The following ANKFN1 variants were observed in gnomAD, a reference collection of about 807,000 sequenced individuals.
ANKFN1 encodes the protein ankyrin repeat and fibronectin type-III domain-containing protein 1.
A neutral mutation model predicts 108.7 loss-of-function variants in ANKFN1; 74 were observed. The observed-to-expected ratio is 0.68, with a 90% CI of 0.56 to 0.83. The LOEUF is 0.83. ANKFN1 is among the 40% of genes least tolerant of loss of function. The pLI, the probability that ANKFN1 is intolerant of heterozygous loss-of-function variation, is 0.00. For synonymous variants in ANKFN1, 547 were observed against 516.2 expected, an observed-to-expected ratio of 1.06 and a Z score of -0.81; for missense variants, 1,505 against 1,382.3, an observed-to-expected ratio of 1.09 and a Z score of -1.41.
chr17:56,160,207 C>G lies in ANKFN1; in HGVS notation c.-71+6677C>G, dbSNP rs565602255. ...TTATTATGAGGCTCTGTCCAAGTTT[C>G]TGGCAAGCTCTTTAAGAGGATGATT... On this transcript the variant is annotated intron_variant, in intron 1 of 20. Transcript: ENST00000682825. 3.9e-5 allele frequency among the ~76,000 whole-genome samples: 6 copies of G among 152,326 alleles called. No homozygotes were observed. The South Asian group carries it at 1.0e-3, about 26-fold the overall frequency.
chr17:56,152,254 A>G (rs1394169278), upstream of ANKFN1, among the ~76,000 whole-genome samples: 4 of 78,420 alleles, frequency 5.1e-5, no homozygotes, highest in African/African-American at 1.7e-4. Flanking sequence ...AAATATATAT[A>G]TATATATATG....
rs778827725 is a variant in ANKFN1 at position 56,457,295 on chromosome 17, A to G, written c.1346A>G (p.Asn449Ser). ...GCCGTTATATTTTATTACAAAGACA[A>G]TATCTTAGTCACCAATGAAGATCAA... ...YIAVIFYYKD[N>S]ILVTNEDQVP... Residue 449 changes from asparagine (N) to serine (S), a missense_variant, in exon 13 of 21, where the codon AAT (asparagine) becomes AGT (serine). Coordinates refer to ENST00000682825, the MANE Select transcript of ANKFN1 (RefSeq NM_001370326.1). The G allele has an allele frequency of 6.9e-6, 11 of 1,599,952 alleles. No individual in the cohort carries two copies. Among genetic ancestry groups the G allele is most frequent in the African/African-American group, 2.7e-5 (2 of 74,390 alleles).
At chr17:56,192,172 T>C (rs1913001929) in intron 1 of ANKFN1, among the ~76,000 whole-genome samples, 1 of 151,042 alleles carries the variant, frequency 6.6e-6, no homozygotes, top group South Asian at 2.1e-4. Context: ...ATTTAATAAA[T>C]GGTGCTGGGA....
At position 56,516,439 on chromosome 17, in the gene ANKFN1, T is replaced by C. The variant is rs2048696461; in HGVS notation, c.*5170T>C. Among the ~76,000 whole-genome samples the C allele has an allele frequency of 6.6e-6, 1 of 152,266 alleles. No individual in the cohort carries two copies. The highest frequency in any genetic ancestry group is 2.4e-5 in the African/African-American group (1 of 41,472). On this transcript the variant is annotated 3_prime_UTR_variant, in exon 21 of 21. Transcript: ENST00000682825. Reference sequence around the variant, plus strand: ...CAGAATTTATTGTGTCTTATTGCTATGTATGCAACTGAGTGTATGTTAAAG... The same window carrying C: ...CAGAATTTATTGTGTCTTATTGCTACGTATGCAACTGAGTGTATGTTAAAG...
chr17:56,156,205 G>A (rs982545645), intron 1 of ANKFN1, among the ~76,000 whole-genome samples: 3 of 151,452 alleles, frequency 2.0e-5, no homozygotes, highest in Admixed American at 6.6e-5. Context: ...TCAACCTCTC[G>A]AGTAGTTGGG....
At chr17:56,457,220 T>A (rs758026089) in intron 12 of ANKFN1, 37 bp from the exon 13 acceptor site, 1 of 1,525,222 alleles carries the variant, frequency 6.6e-7, no homozygotes, top group South Asian at 1.3e-5. Flanking sequence ...TCCAAGATGG[T>A]TGAGGACAAT....
intron 8 of ANKFN1, among the ~76,000 whole-genome samples, chr17:56,429,427 T>C (rs2048681049): frequency 1.3e-5 from 2 of 152,250 alleles, no homozygotes; most frequent in Non-Finnish European, 2.9e-5. Context: ...ATGGTCTCTA[T>C]GCCAACTATT....
chr17:56,393,789 G>A (rs529923013), intron 8 of ANKFN1, among the ~76,000 whole-genome samples: 1 of 152,304 alleles, frequency 6.6e-6, no homozygotes, highest in Non-Finnish European at 1.5e-5. Flanking sequence ...AAGCACCACT[G>A]AAGTTCCTAC....
At chr17:56,244,832 C>T (rs149610265) in intron 3 of ANKFN1, among the ~76,000 whole-genome samples, 11 of 152,204 alleles carry the variant, frequency 7.2e-5, no homozygotes, top group African/African-American at 1.2e-4. Flanking sequence ...TTTAAGCCAC[C>T]GCTTTGTGTT....
rs187364833 is a variant in ANKFN1 at position 56,145,617 on chromosome 17, C to T, written c.289-82300C>T. ...CCCCATGATTCAATTACCTCCACCT[C>T]GTCCCACCCTTGACACGTGGGGATT... On this transcript the variant is annotated intron_variant, in intron 4 of 12. Transcript: ENST00000635860. 9.8e-4 allele frequency among the ~76,000 whole-genome samples: 149 copies of T among 152,278 alleles called. 1 individual carries two copies. Among genetic ancestry groups the T allele is most frequent in the Admixed American group, 2.7e-3 (42 of 15,292 alleles).
chr17:56,237,686 G>T (rs567346797), intron 3 of ANKFN1, among the ~76,000 whole-genome samples: 1 of 151,766 alleles, frequency 6.6e-6, no homozygotes, highest in South Asian at 2.1e-4. Flanking sequence ...TTCTTCATTA[G>T]TCTAGCTAGT....
chr17:56,196,513 C>G (rs72831991), intron 1 of ANKFN1, among the ~76,000 whole-genome samples: 1 of 151,934 alleles, frequency 6.6e-6, no homozygotes, highest in East Asian at 1.9e-4. Flanking sequence ...GCAGGAAGAT[C>G]GCATGAAGCC....
At chr17:56,094,649 G>A (rs182456611) in intron 4 of ANKFN1, among the ~76,000 whole-genome samples, 9 of 114,580 alleles carry the variant, frequency 7.9e-5, no homozygotes, top group Non-Finnish European at 1.4e-4. Context: ...GACTACAGGC[G>A]CACACCACCA....
chr17:56,209,715 G>A (rs1402359309), intron 1 of ANKFN1, among the ~76,000 whole-genome samples: 1 of 152,026 alleles, frequency 6.6e-6, no homozygotes, highest in Non-Finnish European at 1.5e-5. Flanking sequence ...GTGGTGTTTG[G>A]TTATATGAAT....
intron 20 of ANKFN1, among the ~76,000 whole-genome samples, chr17:56,507,004 A>T (rs1401934063): frequency 6.6e-6 from 1 of 152,208 alleles, no homozygotes; most frequent in African/African-American, 2.4e-5. Flanking sequence ...GCACTAGGTA[A>T]ATATCAGATA....
At chr17:56,462,180 G>A (rs974938180) in intron 14 of ANKFN1, 1 of 152,216 alleles carries the variant, frequency 6.6e-6, no homozygotes, top group African/African-American at 2.4e-5. Flanking sequence ...TTGTTGGTGA[G>A]GGAGGTAAGA....
chr17:56,071,412 A>C (rs576980688), intron 4 of ANKFN1, among the ~76,000 whole-genome samples: 1 of 152,286 alleles, frequency 6.6e-6, no homozygotes, highest in South Asian at 2.1e-4. Context: ...TGGAGTATAA[A>C]GTTAGGCCTT....
intron 3 of ANKFN1, among the ~76,000 whole-genome samples, chr17:56,234,343 G>T (rs956858979): frequency 4.7e-5 from 7 of 147,598 alleles, no homozygotes; most frequent in South Asian, 2.1e-4. Flanking sequence ...TTCCTTTGGG[G>T]TTTTTTTTTT....
At chr17:56,274,731 T>A (rs1270258173) in intron 3 of ANKFN1, among the ~76,000 whole-genome samples, 2 of 151,986 alleles carry the variant, frequency 1.3e-5, no homozygotes, top group African/African-American at 4.8e-5. Context: ...TTTGCCTGGG[T>A]TTTTTGCATA....
Sources: allele counts gnomAD v4.1 joint callset (sites outside exome capture counted in the v4.1 genomes callset), GRCh38; gene constraint gnomAD v4.1.1; transcripts MANE v1.5; gene names NCBI Gene and HGNC (gene_info 2026-07-23, HGNC 2026-07-21).